VDAC1: variants seen among roughly 807,000 people sequenced by gnomAD.
The protein encoded by VDAC1 is non-selective voltage-gated ion channel VDAC1.
In VDAC1, 10 loss-of-function variants were observed where a neutral mutation model predicts 34.7. The ratio of observed to expected loss-of-function variants is 0.29; its 90% CI spans 0.18 to 0.49. The LOEUF is 0.49. Ranked by LOEUF, VDAC1 falls within the 20% of genes least tolerant of loss-of-function variation. VDAC1 has a pLI of 0.99. For synonymous variants in VDAC1, 130 were observed against 136.0 expected (o/e 0.96, Z 0.30); for missense variants, 230 against 347.9 (o/e 0.66, Z 2.69).
At position 133,972,580 on chromosome 5, in the gene VDAC1, C is replaced by A; in HGVS notation, c.*191G>T. 1 of 507,886 alleles carries A rather than the reference C, an allele frequency of 2.0e-6. No homozygotes were observed. The highest frequency in any genetic ancestry group is 3.4e-6 in the Non-Finnish European group (1 of 290,444). 31.5% of individuals were successfully genotyped at this position (507,886 alleles called of 1,614,324 possible). A position where few individuals can be genotyped will look rare whatever the true frequency, so the allele number is the denominator to read the frequency against. ...TCCCCGAGTCTACCACTGAAAGGAC[C>A]TTTTTTGGAAATAGGTTTCTTCTGT... On this transcript the variant is annotated 3_prime_UTR_variant, in exon 9 of 9. Transcript: ENST00000265333.
the VDAC1 span, among the ~76,000 whole-genome samples, chr5:134,035,197 A>G: frequency 6.6e-6 from 1 of 152,126 alleles, no homozygotes; most frequent in Non-Finnish European, 1.5e-5. Flanking sequence ...GGTCCTGGGA[A>G]TTAAGGATGT....
the VDAC1 span, among the ~76,000 whole-genome samples, chr5:134,080,945 C>T: frequency 6.5e-3 from 986 of 152,110 alleles, 4 homozygotes; most frequent in Non-Finnish European, 0.011. Flanking sequence ...GGCGCAATCT[C>T]GGTTCACTGC....
the VDAC1 span, among the ~76,000 whole-genome samples, chr5:134,058,159 A>G: frequency 2.6e-5 from 4 of 152,248 alleles, no homozygotes; most frequent in African/African-American, 9.6e-5. Context: ...AAGTGTTGAG[A>G]TTACAAGTGT....
At chr5:134,067,949 C>G in the VDAC1 span, among the ~76,000 whole-genome samples, 3 of 152,042 alleles carry the variant, frequency 2.0e-5, no homozygotes, top group Non-Finnish European at 2.9e-5. Flanking sequence ...GAAACCCTGT[C>G]TCTACTGAAA....
the VDAC1 span, among the ~76,000 whole-genome samples, chr5:134,069,580 C>T: frequency 6.6e-6 from 1 of 152,138 alleles, no homozygotes; most frequent in Non-Finnish European, 1.5e-5. Flanking sequence ...AATCATCAGA[C>T]CCGGAGCCTC....
At chr5:134,068,921 A>T in the VDAC1 span, among the ~76,000 whole-genome samples, 1 of 151,810 alleles carries the variant, frequency 6.6e-6, no homozygotes, top group East Asian at 1.9e-4. Flanking sequence ...CAGTACACTT[A>T]TCTAAAGTGA....
chr5:133,973,673 C>G, intron 8 of VDAC1, 118 bp downstream of exon 8: 5 of 822,762 alleles, frequency 6.1e-6, no homozygotes, highest in Non-Finnish European at 7.8e-6. Context: ...TACATATATC[C>G]ATTTATATAT....
the VDAC1 span, among the ~76,000 whole-genome samples, chr5:134,068,319 G>C: frequency 6.8e-6 from 1 of 146,840 alleles, no homozygotes; most frequent in Admixed American, 6.8e-5. Context: ...TGTGTCTTCC[G>C]TTCCACTCCT....
the VDAC1 span, among the ~76,000 whole-genome samples, chr5:134,095,418 G>A: frequency 6.6e-6 from 1 of 152,022 alleles, no homozygotes; most frequent in African/African-American, 2.4e-5. Flanking sequence ...AGGAGATTGA[G>A]CCTGCAGTGA....
the VDAC1 span, among the ~76,000 whole-genome samples, chr5:134,078,968 C>T: frequency 5.3e-5 from 8 of 150,090 alleles, no homozygotes; most frequent in South Asian, 2.1e-4. Context: ...TTTGACCCCC[C>T]TCCTTTTTTT....
the VDAC1 span, among the ~76,000 whole-genome samples, chr5:134,061,618 C>G: frequency 7.2e-5 from 11 of 151,738 alleles, no homozygotes; most frequent in Non-Finnish European, 1.0e-4. Context: ...AGGGATCCTC[C>G]TGCCTCAGCC....
the VDAC1 span, among the ~76,000 whole-genome samples, chr5:134,105,493 A>G: frequency 6.6e-6 from 1 of 152,242 alleles, no homozygotes; most frequent in Non-Finnish European, 1.5e-5. Context: ...ATGAGATGAG[A>G]TAACACACAG....
At chr5:133,976,156 A>G in intron 6 of VDAC1, 135 bp from the exon 7 acceptor site, 1 of 1,056,576 alleles carries the variant, frequency 9.5e-7, no homozygotes, top group Non-Finnish European at 1.4e-6. Flanking sequence ...GGGAAGTCAG[A>G]AGTTCACCAA....
At chr5:134,056,491 G>A in the VDAC1 span, among the ~76,000 whole-genome samples, 88 of 144,984 alleles carry the variant, frequency 6.1e-4, no homozygotes, top group African/African-American at 2.3e-3. Context: ...CCAGGTTGGA[G>A]TACAGTGGTG....
chr5:134,058,545 G>C, the VDAC1 span, among the ~76,000 whole-genome samples: 19 of 152,046 alleles, frequency 1.2e-4, no homozygotes, highest in Admixed American at 3.3e-4. Context: ...TCAATCTCCT[G>C]ACCTCATGAT....
At chr5:134,072,540 GA>G in the VDAC1 span, among the ~76,000 whole-genome samples, 1 of 152,202 alleles carries the variant, frequency 6.6e-6, no homozygotes, top group Admixed American at 6.5e-5. Flanking sequence ...ACACTGGGGG[GA>G]AAGGACCAGG....
chr5:134,026,879 G>A, the VDAC1 span, among the ~76,000 whole-genome samples: 2 of 152,252 alleles, frequency 1.3e-5, no homozygotes, highest in African/African-American at 4.8e-5. Context: ...TACAGATGTG[G>A]AAACTGAGGC....
Position 134,004,920 on chromosome 5 carries a change from G to T in VDAC1, c.-32C>A, listed in dbSNP as rs1181510031. ...CCTTCCGGGCCCCGCTGCCCCGGCA[G>T]CAGACACAGGAGCCTGCGGGCGTGT... On this transcript the variant is annotated 5_prime_UTR_variant, in exon 1 of 9. The change creates a new upstream start codon in the 5' untranslated region. Transcript: ENST00000265333. 1 of 152,216 alleles carries T rather than the reference G, an allele frequency of 6.6e-6. No individual in the cohort carries two copies. The highest frequency in any genetic ancestry group is 1.5e-5 in the Non-Finnish European group (1 of 68,092). The allele number at this position is 152,216 out of a possible 1,614,324, so 9.4% of individuals were successfully genotyped here. A position where few individuals can be genotyped will look rare whatever the true frequency, so the allele number is the denominator to read the frequency against.
the VDAC1 span, among the ~76,000 whole-genome samples, chr5:134,071,698 C>A: frequency 1.3e-5 from 2 of 152,228 alleles, no homozygotes; most frequent in African/African-American, 2.4e-5. This position sits in a 1 kb window ranked among gnomAD's most constrained non-coding sequence, Gnocchi z 4.1. Flanking sequence ...AATTAAAATT[C>A]TCTGCCCCCA....
Sources: gnomAD v4.1 joint callset for allele counts (sites outside exome capture counted in the v4.1 genomes callset) on GRCh38, gnomAD v4.1.1 for gene constraint, Gnocchi (gnomAD v3.1) non-coding constraint, MANE v1.5 for transcripts, NCBI Gene and HGNC (gene_info 2026-07-23, HGNC 2026-07-21) for gene names.